Variants in RBM20 observed in about 807,000 individuals in gnomAD.
RBM20 encodes the protein RNA binding motif protein 20.
RBM20 carries 51 observed loss-of-function variants against 110.1 expected under a neutral mutation model. The ratio of observed to expected loss-of-function variants is 0.46; its 90% CI spans 0.37 to 0.59. The LOEUF is 0.59. Among genes scored for constraint, RBM20 ranks in the 20% least tolerant of loss-of-function variants. The pLI is 0.00. For synonymous variants in RBM20, 589 were observed against 618.2 expected (o/e 0.95, Z 0.70); for missense variants, 1,512 against 1,574.9 (o/e 0.96, Z 0.68).
At chr10:110,802,463 C>G (rs10885049) in intron 7 of RBM20, among the ~76,000 whole-genome samples, 111,117 of 150,816 alleles carry the variant, frequency 0.74, 43,263 homozygotes, top group Non-Finnish European at 0.86. Context: ...CTATATCCAA[C>G]CAAAGTTCCT....
In RBM20 at chr10:110,783,414, GTCT is replaced by G; in HGVS notation, c.1328_1330del (p.Phe443del). On this transcript the variant is annotated inframe_deletion, in exon 3 of 14. Transcript: ENST00000369519. ...GAAGCTGCACGCTCAGAAATGCCTG[GTCT>G]TCTCTGAAAAGTAAGTGCTGTTCAG... 6.4e-7 allele frequency: 1 copy of G among 1,551,164 alleles called. No homozygotes were observed. The highest frequency in any genetic ancestry group is 8.7e-7 in the Non-Finnish European group (1 of 1,146,580).
At chr10:110,825,045 C>CTT (rs11370585) in intron 12 of RBM20, among the ~76,000 whole-genome samples, 23 of 149,718 alleles carry the variant, frequency 1.5e-4, no homozygotes, top group Admixed American at 4.7e-4. Flanking sequence ...AGCAAACTTC[C>CTT]TTTTTTTTTT....
At chr10:110,706,695 A>C (rs1000868374) in intron 1 of RBM20, among the ~76,000 whole-genome samples, 4 of 152,174 alleles carry the variant, frequency 2.6e-5, no homozygotes, top group Non-Finnish European at 5.9e-5. Flanking sequence ...CTCAAAACCA[A>C]TGGCGATTCT....
In RBM20 at chr10:110,812,684, G is replaced by A. The variant is rs794729152; in HGVS notation, c.2287G>A (p.Glu763Lys). 2.6e-6 allele frequency: 4 copies of A among 1,551,762 alleles called. No homozygotes were observed. Among genetic ancestry groups the A allele is most frequent in the East Asian group, 2.4e-5 (1 of 40,912 alleles). ...KSREDGYYRK[E>K]PKAKSDKYLK... The stretch of plus-strand genomic sequence containing the variant: ...CCGTGAAGACGGCTACTACCGGAAA[G>A]AGCCCAAAGCCAAGTCGGACAAGTA... The change falls in exon 9 of 14, where the codon GAG (glutamate) becomes AAG (lysine). Residue 763 changes from glutamate to lysine, a missense_variant. Glu to Lys is a moderately conservative substitution (Grantham distance 56, BLOSUM62 1). Coordinates refer to ENST00000369519, the MANE Select transcript of RBM20 (RefSeq NM_001134363.3).
At chr10:110,796,541 C>G (rs1224406906) in intron 5 of RBM20, among the ~76,000 whole-genome samples, 1 of 152,164 alleles carries the variant, frequency 6.6e-6, no homozygotes, top group Non-Finnish European at 1.5e-5. Context: ...GTCAGGATTT[C>G]AAGACTAGCC....
chr10:110,708,746 T>C (rs1484669324), intron 1 of RBM20, among the ~76,000 whole-genome samples: 1 of 152,188 alleles, frequency 6.6e-6, no homozygotes, highest in Non-Finnish European at 1.5e-5. Flanking sequence ...AATAAAGAAT[T>C]TTTTGAAAGT....
chr10:110,742,405 G>A (rs1843734520), intron 1 of RBM20, among the ~76,000 whole-genome samples: 2 of 152,322 alleles, frequency 1.3e-5, no homozygotes, highest in Admixed American at 1.3e-4. Flanking sequence ...AGAAGACACA[G>A]GACTTGGACT....
At chr10:110,695,521 C>T (rs1463105741) in intron 1 of RBM20, among the ~76,000 whole-genome samples, 2 of 152,190 alleles carry the variant, frequency 1.3e-5, no homozygotes, top group Non-Finnish European at 2.9e-5. Flanking sequence ...AATGTGTCCG[C>T]CCCTTGCCCA....
chr10:110,714,388 A>C (rs558220874), intron 1 of RBM20, among the ~76,000 whole-genome samples: 4 of 152,322 alleles, frequency 2.6e-5, no homozygotes, highest in African/African-American at 9.6e-5. Flanking sequence ...GGCCTGTCTG[A>C]AGCTGTGCTC....
At chr10:110,719,878 T>G (rs796637755) in intron 1 of RBM20, among the ~76,000 whole-genome samples, 69 of 152,298 alleles carry the variant, frequency 4.5e-4, no homozygotes, top group African/African-American at 1.5e-3. Flanking sequence ...CTGTTTGGGC[T>G]GTCTTATTGG....
rs867192062 is a variant in RBM20, at chr10:110,838,032, T to C, written c.*2054T>C. On this transcript the variant is annotated 3_prime_UTR_variant, in exon 14 of 14. Transcript: ENST00000369519. ...GAGAGAGAGAGAAAGAATAGCCAAATCCCCAAACAGGCCAGTTTTAACCAG... is the reference window on the plus strand; with the variant it reads ...GAGAGAGAGAGAAAGAATAGCCAAACCCCCAAACAGGCCAGTTTTAACCAG... 10 of 152,098 alleles carry C rather than the reference T, an allele frequency of 6.6e-5. No homozygotes were observed. The highest frequency in any genetic ancestry group is 6.6e-4 in the Admixed American group (10 of 15,266). 9.4% of individuals were successfully genotyped at this position (152,098 alleles called of 1,614,324 possible). A position where few individuals can be genotyped will look rare whatever the true frequency, so the allele number is the denominator to read the frequency against.
chr10:110,729,286 T>C (rs1843595611), intron 1 of RBM20, among the ~76,000 whole-genome samples: 1 of 152,230 alleles, frequency 6.6e-6, no homozygotes, highest in Non-Finnish European at 1.5e-5. Flanking sequence ...ATATGTGTTG[T>C]TCCCAAAGCT....
At chr10:110,651,715 G>A (rs998639538) in intron 1 of RBM20, among the ~76,000 whole-genome samples, 4 of 152,296 alleles carry the variant, frequency 2.6e-5, no homozygotes, top group East Asian at 1.9e-4. Context: ...TCAGTTGGCC[G>A]CAGAGACCAG....
chr10:110,644,689 A>G lies in RBM20; in HGVS notation c.191+44A>G. The G allele has an allele frequency of 7.3e-7, 1 of 1,368,502 alleles. No homozygotes were observed. The highest frequency in any genetic ancestry group is 9.6e-7 in the Non-Finnish European group (1 of 1,043,370). The allele number at this position is 1,368,502 out of a possible 1,614,324, so 84.8% of individuals were successfully genotyped here. ...ACAGGGACCACGGGTGCGCCTGGGG[A>G]CACGCCCCGAGAGCCCCCTTTGTGG... On this transcript the variant is annotated intron_variant, in intron 1 of 13. Transcript: ENST00000369519. The surrounding 1 kb of genome is among the most constrained non-coding windows in gnomAD (Gnocchi z 4.3).
chr10:110,760,069 G>T (rs1843975270), intron 1 of RBM20, among the ~76,000 whole-genome samples: 1 of 152,208 alleles, frequency 6.6e-6, no homozygotes, highest in East Asian at 1.9e-4. Flanking sequence ...TCTTGATGTT[G>T]ATGACCTTGG....
In RBM20 at chr10:110,758,356, G is replaced by A. The variant is rs906740436; in HGVS notation, c.192-22445G>A. Among the ~76,000 whole-genome samples, 5 of 152,118 alleles carry A rather than the reference G, an allele frequency of 3.3e-5. No homozygotes were observed. In the South Asian group the frequency reaches 1.0e-3, roughly 32 times the overall value. On this transcript the variant is annotated intron_variant, in intron 1 of 13. Transcript: ENST00000369519. ...CTATGGAGCTTATATTCCAGGGGAG[G>A]GACAAGCAATAAAGTGCAAGATAAA...
chr10:110,737,930 T>C (rs1184867182), intron 1 of RBM20, among the ~76,000 whole-genome samples: 1 of 152,206 alleles, frequency 6.6e-6, no homozygotes, highest in Non-Finnish European at 1.5e-5. Flanking sequence ...TGGGGTGGAA[T>C]TGCTGGGTTG....
chr10:110,664,443 GTT>G (rs1245891366), intron 1 of RBM20, among the ~76,000 whole-genome samples: 2 of 152,126 alleles, frequency 1.3e-5, no homozygotes, highest in Middle Eastern at 3.2e-3. Flanking sequence ...AAATCTATAA[GTT>G]AAAAAAATTC....
chr10:110,683,748 T>C (rs1474614052), intron 1 of RBM20, among the ~76,000 whole-genome samples: 1 of 152,208 alleles, frequency 6.6e-6, no homozygotes, highest in Non-Finnish European at 1.5e-5. Context: ...AAAATGAATA[T>C]GTTGAGTCAG....
Sources: gnomAD v4.1 joint callset for allele counts (sites outside exome capture counted in the v4.1 genomes callset) on GRCh38, gnomAD v4.1.1 for gene constraint, Gnocchi (gnomAD v3.1) non-coding constraint, MANE v1.5 for transcripts, NCBI Gene and HGNC (gene_info 2026-07-23, HGNC 2026-07-21) for gene names.